COMMD1: variants seen among roughly 807,000 people sequenced by gnomAD.
The protein encoded by COMMD1 is COMM domain-containing protein 1.
Under a neutral mutation model 17.2 loss-of-function variants are expected in COMMD1, and 10 were observed. The observed-to-expected ratio is 0.58, with a 90% CI of 0.36 to 0.99. The LOEUF is 0.99. Among genes scored for constraint, COMMD1 ranks in the 50% least tolerant of loss-of-function variants. The probability of loss-of-function intolerance (pLI) is 0.01; values close to 1 mark genes in which losing one functional copy is unlikely to be tolerated. For missense variants in COMMD1, 270 were observed against 231.8 expected, an observed-to-expected ratio of 1.17 and a Z score of -1.07; for synonymous variants, 97 against 91.6, an observed-to-expected ratio of 1.06 and a Z score of -0.34.
chr2:62,040,407 A>G (rs929598374), intron 2 of COMMD1, among the ~76,000 whole-genome samples: 1 of 152,214 alleles, frequency 6.6e-6, no homozygotes, highest in Admixed American at 6.5e-5. Context: ...TTCTTTCCCT[A>G]TGTTCTCAGT....
At chr2:62,045,141 G>A (rs748600354) in intron 2 of COMMD1, among the ~76,000 whole-genome samples, 1 of 152,126 alleles carries the variant, frequency 6.6e-6, no homozygotes, top group Non-Finnish European at 1.5e-5. Flanking sequence ...TGGTGGATGG[G>A]GGCTAGGGAA....
rs139377573 is a variant in COMMD1, at chr2:61,961,469, G to T, written c.181-39232G>T. Among the ~76,000 whole-genome samples, 9 of 152,302 alleles carry T rather than the reference G, an allele frequency of 5.9e-5. No individual in the cohort carries two copies. In the East Asian group the frequency reaches 1.7e-3, roughly 29 times the overall value. On this transcript the variant is annotated intron_variant, in intron 1 of 2. Coordinates refer to ENST00000311832, the MANE Select transcript of COMMD1 (RefSeq NM_152516.4). Reference sequence around the variant, plus strand: ...GGGGCTTGTCTAGCTCTGTCCAGGCGTGCCAGAGCAAGCTAGGACAGCTGA... The same window carrying T: ...GGGGCTTGTCTAGCTCTGTCCAGGCTTGCCAGAGCAAGCTAGGACAGCTGA...
chr2:61,960,077 G>A (rs73932886), intron 1 of COMMD1, among the ~76,000 whole-genome samples: 6,548 of 152,238 alleles, frequency 0.043, 477 homozygotes, highest in African/African-American at 0.15. Flanking sequence ...TTGTCCAGGC[G>A]TGCCAGAGCA....
At chr2:61,991,157 C>T (rs181178284) in intron 1 of COMMD1, among the ~76,000 whole-genome samples, 23 of 151,690 alleles carry the variant, frequency 1.5e-4, no homozygotes, top group African/African-American at 2.7e-4. Flanking sequence ...TCTTTAGTAT[C>T]GTAGCCTAAT....
chr2:61,928,843 A>G (rs950185610), intron 1 of COMMD1: 4 of 152,202 alleles, frequency 2.6e-5, no homozygotes, highest in African/African-American at 7.2e-5. Flanking sequence ...AGGTCCCAAG[A>G]TCCTCATCTG....
chr2:62,124,692 G>A (rs1275746649), intron 2 of COMMD1, among the ~76,000 whole-genome samples: 4 of 152,128 alleles, frequency 2.6e-5, no homozygotes, highest in African/African-American at 9.7e-5. Context: ...TGGGGTTACA[G>A]GTTTGTGCCA....
intron 2 of COMMD1, among the ~76,000 whole-genome samples, chr2:62,109,409 ATCTCT>A (rs1672395647): frequency 1.3e-5 from 2 of 152,230 alleles, no homozygotes; most frequent in African/African-American, 4.8e-5. Context: ...AGCTACGCCC[ATCTCT>A]TCTCTTTTGA....
At chr2:62,004,464 G>A (rs899880155) in intron 2 of COMMD1, among the ~76,000 whole-genome samples, 13 of 151,988 alleles carry the variant, frequency 8.6e-5, no homozygotes, top group African/African-American at 2.7e-4. Flanking sequence ...ACTGTGCCTG[G>A]CTTATTTTTT....
At chr2:61,990,632 A>G (rs964327632) in intron 1 of COMMD1, among the ~76,000 whole-genome samples, 2 of 152,156 alleles carry the variant, frequency 1.3e-5, no homozygotes, top group African/African-American at 4.8e-5. Context: ...CCTCACAATC[A>G]TGGTGGAAGG....
chr2:61,974,898 G>A (rs912439326), intron 1 of COMMD1, among the ~76,000 whole-genome samples: 3 of 151,808 alleles, frequency 2.0e-5, no homozygotes, highest in African/African-American at 7.3e-5. Context: ...GTTTACATTA[G>A]CGTTCACTCT....
At chr2:61,968,021 C>T (rs1475558933) in intron 1 of COMMD1, among the ~76,000 whole-genome samples, 6 of 151,982 alleles carry the variant, frequency 3.9e-5, no homozygotes, top group East Asian at 1.9e-4. Context: ...ATTAGCCGGG[C>T]GTGGTGGCGT....
At chr2:62,071,956 T>C (rs1407333217) in intron 2 of COMMD1, among the ~76,000 whole-genome samples, 1 of 151,936 alleles carries the variant, frequency 6.6e-6, no homozygotes, top group Non-Finnish European at 1.5e-5. Context: ...AGGCAAGTGT[T>C]AAGTCACACC....
At chr2:62,116,981 G>A (rs1262914176) in intron 2 of COMMD1, among the ~76,000 whole-genome samples, 3 of 145,138 alleles carry the variant, frequency 2.1e-5, no homozygotes, top group Non-Finnish European at 4.5e-5. Context: ...GGCAACAAGA[G>A]CGAAAACTTC....
Position 62,024,864 on chromosome 2 carries a change from G to A in COMMD1, c.462+23882G>A, listed in dbSNP as rs554249032. On this transcript the variant is annotated intron_variant, in intron 2 of 2. Transcript: ENST00000311832. ...TAGTTTACAAGAAGCAGTCATTAAT[G>A]CTATTATAAGTTCTGTTCTTTATTT... 3.9e-5 allele frequency among the ~76,000 whole-genome samples: 6 copies of A among 152,248 alleles called. No homozygotes were observed. In the East Asian group the frequency reaches 1.2e-3, roughly 29 times the overall value.
chr2:62,051,874 G>C (rs568928651), intron 2 of COMMD1, among the ~76,000 whole-genome samples: 1 of 152,090 alleles, frequency 6.6e-6, no homozygotes, highest in African/African-American at 2.4e-5. Flanking sequence ...ATTAGCATTC[G>C]GTGACTATGC....
At chr2:61,984,184 C>T (rs1672038060) in intron 1 of COMMD1, among the ~76,000 whole-genome samples, 1 of 152,072 alleles carries the variant, frequency 6.6e-6, no homozygotes, top group African/African-American at 2.4e-5. Flanking sequence ...GCCACCACAC[C>T]CAGCTAATTT....
At chr2:61,920,437 A>G (rs1449471926) in intron 1 of COMMD1, among the ~76,000 whole-genome samples, 1 of 151,510 alleles carries the variant, frequency 6.6e-6, no homozygotes, top group South Asian at 2.1e-4. Context: ...AAACTTTGTA[A>G]TTGCTTCTGG....
intron 1 of COMMD1, among the ~76,000 whole-genome samples, chr2:61,931,185 G>A (rs1162483187): frequency 2.6e-5 from 4 of 152,158 alleles, no homozygotes; most frequent in African/African-American, 9.6e-5. Flanking sequence ...GGTGGTGCGT[G>A]CCTGTAGTCC....
intron 2 of COMMD1, among the ~76,000 whole-genome samples, chr2:62,063,061 AC>A (rs1228251338): frequency 1.3e-5 from 2 of 151,978 alleles, no homozygotes; most frequent in Non-Finnish European, 2.9e-5. Flanking sequence ...TACTAAAAAT[AC>A]AAAAATTAGC....
Sources: allele counts gnomAD v4.1 joint callset (sites outside exome capture counted in the v4.1 genomes callset), GRCh38; gene constraint gnomAD v4.1.1; transcripts MANE v1.5; gene names NCBI Gene and HGNC (gene_info 2026-07-23, HGNC 2026-07-21).